The following CACNA2D3 variants were observed in gnomAD, a reference collection of about 807,000 sequenced individuals.
CACNA2D3 encodes calcium voltage-gated channel auxiliary subunit alpha2delta 3, also known as voltage-dependent calcium channel subunit alpha-2/delta-3.
A neutral mutation model predicts 160.6 loss-of-function variants in CACNA2D3; 60 were observed. That is an observed-to-expected ratio of 0.37 (90% CI 0.30 to 0.46). The LOEUF is 0.46. Ranked by LOEUF, CACNA2D3 falls within the 20% of genes least tolerant of loss-of-function variation. The probability of loss-of-function intolerance (pLI) is 1.00; values close to 1 mark genes in which losing one functional copy is unlikely to be tolerated. For synonymous variants in CACNA2D3, 558 were observed against 492.9 expected, an observed-to-expected ratio of 1.13 and a Z score of -1.75; for missense variants, 1,205 against 1,365.0, an observed-to-expected ratio of 0.88 and a Z score of 1.85.
rs545896105 is a variant in CACNA2D3, at chr3:54,806,641, T to C, written c.1381-10212T>C. ...TGGCCATGCTGCCCAAGGTAATTTA[T>C]AGATTCAATGCCATCCCCATCAAGC... is the stretch of plus-strand genomic sequence containing the variant. On this transcript the variant is annotated intron_variant, in intron 13 of 37. Transcript: ENST00000474759. Among the ~76,000 whole-genome samples, 11 of 152,314 alleles carry C rather than the reference T, an allele frequency of 7.2e-5. No homozygotes were observed. In the South Asian group the frequency reaches 2.1e-3, roughly 29 times the overall value.
intron 4 of CACNA2D3, among the ~76,000 whole-genome samples, chr3:54,445,555 T>TACACAC (rs3028897): frequency 0.084 from 12,298 of 147,052 alleles, 609 homozygotes; most frequent in African/African-American, 0.13. Context: ...TTTCTATGTA[T>TACACAC]ACACACACAC....
At chr3:55,069,628 A>G (rs1013376098) in intron 35 of CACNA2D3, among the ~76,000 whole-genome samples, 3 of 152,210 alleles carry the variant, frequency 2.0e-5, no homozygotes, top group African/African-American at 4.8e-5. Flanking sequence ...GTAGTTGGTC[A>G]GTGGGTTCAT....
At chr3:54,206,678 T>C (rs2107357001) in intron 2 of CACNA2D3, among the ~76,000 whole-genome samples, 1 of 152,308 alleles carries the variant, frequency 6.6e-6, no homozygotes, top group South Asian at 2.1e-4. Flanking sequence ...GTAGGCTTAC[T>C]TTTATGCCAG....
rs115127402 is a variant in CACNA2D3 at position 54,608,851 on chromosome 3, T to C, written c.964-18936T>C. Among the ~76,000 whole-genome samples the C allele has an allele frequency of 2.8e-3, 430 of 152,324 alleles. 1 individual carries two copies. The highest frequency in any genetic ancestry group is 9.8e-3 in the African/African-American group (408 of 41,576). On this transcript the variant is annotated intron_variant, in intron 9 of 37. Transcript: ENST00000474759. Reference sequence around the variant, plus strand: ...GAAGAGGCTTGCAGGGGATAGAGGCTAAGTAGTGTGGGGAGGTGAATGGAC... The same window carrying C: ...GAAGAGGCTTGCAGGGGATAGAGGCCAAGTAGTGTGGGGAGGTGAATGGAC...
intron 4 of CACNA2D3, among the ~76,000 whole-genome samples, chr3:54,485,349 AG>A (rs1405821285): frequency 6.6e-6 from 1 of 152,164 alleles, no homozygotes; most frequent in African/African-American, 2.4e-5. Context: ...ACTTGAACCA[AG>A]GAAGTCTAGT....
chr3:54,658,768 A>C (rs913568934), intron 11 of CACNA2D3, among the ~76,000 whole-genome samples: 5 of 152,022 alleles, frequency 3.3e-5, no homozygotes, highest in Non-Finnish European at 7.4e-5. Context: ...TCTGGTACCA[A>C]AGATCCCCCC....
chr3:54,145,286 A>G (rs1344928420), intron 2 of CACNA2D3, among the ~76,000 whole-genome samples: 2 of 152,208 alleles, frequency 1.3e-5, no homozygotes, highest in African/African-American at 4.8e-5. Flanking sequence ...AAATGGAGAT[A>G]TTTGCAGATG....
At chr3:54,845,425 G>GAA (rs3836395) in intron 16 of CACNA2D3, among the ~76,000 whole-genome samples, 3 of 149,558 alleles carry the variant, frequency 2.0e-5, no homozygotes, top group Admixed American at 6.6e-5. Context: ...AACTCCTCAG[G>GAA]AAAAAAAAAT....
intron 4 of CACNA2D3, among the ~76,000 whole-genome samples, chr3:54,499,687 T>C (rs951395597): frequency 2.6e-5 from 4 of 152,170 alleles, no homozygotes; most frequent in Non-Finnish European, 5.9e-5. Flanking sequence ...TTTTGGGATT[T>C]TTTTCAGCTA....
At chr3:54,747,131 C>T (rs1010458735) in intron 11 of CACNA2D3, among the ~76,000 whole-genome samples, 10 of 152,114 alleles carry the variant, frequency 6.6e-5, no homozygotes, top group Non-Finnish European at 1.3e-4. Flanking sequence ...TAGACCTCAT[C>T]TGCTTGGTGG....
intron 4 of CACNA2D3, among the ~76,000 whole-genome samples, chr3:54,484,026 C>A (rs1700975242): frequency 6.6e-6 from 1 of 152,122 alleles, no homozygotes; most frequent in Non-Finnish European, 1.5e-5. Context: ...AGCTGTAGGA[C>A]CTTCAGATGG....
At chr3:54,553,925 G>A (rs1004112341) in intron 5 of CACNA2D3, among the ~76,000 whole-genome samples, 5 of 152,168 alleles carry the variant, frequency 3.3e-5, no homozygotes, top group Admixed American at 6.5e-5. Flanking sequence ...ACCTTGGCAT[G>A]GGTGGAATAC....
At position 55,002,049 on chromosome 3, in the gene CACNA2D3, G is replaced by A. The variant is rs191789836; in HGVS notation, c.2691-2714G>A. ...CATGTGCCTGTAGTCCCAACTACTC[G>A]GGAGGCTGAAGTGGGAGAATCGCTT... On this transcript the variant is annotated intron_variant, in intron 31 of 37. Coordinates refer to ENST00000474759, the MANE Select transcript of CACNA2D3 (RefSeq NM_018398.3). Among the ~76,000 whole-genome samples, 775 of 152,040 alleles carry A rather than the reference G, an allele frequency of 5.1e-3. 9 individuals carry two copies. Among genetic ancestry groups the A allele is most frequent in the African/African-American group, 0.018 (736 of 41,460 alleles).
Position 54,169,724 on chromosome 3 carries a change from AGTGTGCGT to A in CACNA2D3, c.204+46138_204+46145del, listed in dbSNP as rs551407522. Among the ~76,000 whole-genome samples, 183 of 150,314 alleles carry A rather than the reference AGTGTGCGT, an allele frequency of 1.2e-3. 1 individual carries two copies. In the Middle Eastern group the frequency reaches 0.014, roughly 11 times the overall value. On this transcript the variant is annotated intron_variant, in intron 2 of 37. Transcript: ENST00000474759. ...GTGTGTGCAAGTGTGCATGTGTGCA[AGTGTGCGT>A]GTGTGCGAGTGTGCATGTGTGTGTG...
chr3:54,423,893 A>ATTT (rs11336791), intron 4 of CACNA2D3, among the ~76,000 whole-genome samples: 1 of 135,372 alleles, frequency 7.4e-6, no homozygotes. Flanking sequence ...TGAAATTCTT[A>ATTT]TTTTTTTTTT....
chr3:54,809,473 C>T (rs954477355), intron 13 of CACNA2D3, among the ~76,000 whole-genome samples: 4 of 143,774 alleles, frequency 2.8e-5, no homozygotes, highest in South Asian at 2.2e-4. Context: ...CGCCCGCCAC[C>T]GCGCCCGGCT....
chr3:54,668,666 G>A (rs1026978037), intron 11 of CACNA2D3, among the ~76,000 whole-genome samples: 1 of 152,158 alleles, frequency 6.6e-6, no homozygotes, highest in African/African-American at 2.4e-5. Flanking sequence ...AACCCTGCAG[G>A]GATTGCCGTA....
At chr3:54,775,073 C>T (rs1702402447) in intron 13 of CACNA2D3, among the ~76,000 whole-genome samples, 1 of 152,134 alleles carries the variant, frequency 6.6e-6, no homozygotes, top group Non-Finnish European at 1.5e-5. Flanking sequence ...ATTTGCCTTT[C>T]AGCATTTATA....
At chr3:54,275,430 G>C (rs1317313813) in intron 2 of CACNA2D3, among the ~76,000 whole-genome samples, 1 of 151,638 alleles carries the variant, frequency 6.6e-6, no homozygotes, top group African/African-American at 2.4e-5. Context: ...AGAATTATAA[G>C]GAAACTCAAT....
Sources: gnomAD v4.1 joint callset for allele counts (sites outside exome capture counted in the v4.1 genomes callset) on GRCh38, gnomAD v4.1.1 for gene constraint, MANE v1.5 for transcripts, NCBI Gene and HGNC (gene_info 2026-07-23, HGNC 2026-07-21) for gene names.